The following NBEA variants were observed in gnomAD, a reference collection of about 807,000 sequenced individuals.
NBEA encodes lysosomal-trafficking regulator 2.
Under a neutral mutation model 343.4 loss-of-function variants are expected in NBEA, and 44 were observed. That is an observed-to-expected ratio of 0.13 (90% CI 0.10 to 0.16). NBEA has a LOEUF of 0.16. NBEA is among the 10% of genes least tolerant of loss of function. The probability of loss-of-function intolerance (pLI) is 1.00; values close to 1 mark genes in which losing one functional copy is unlikely to be tolerated. For missense variants in NBEA, 2,555 were observed against 3,631.3 expected, an observed-to-expected ratio of 0.70 and a Z score of 7.62; for synonymous variants, 1,175 against 1,238.7, an observed-to-expected ratio of 0.95 and a Z score of 1.08.
intron 22 of NBEA, 100 bp from the exon 23 acceptor site, chr13:35,161,650 A>G: frequency 1.0e-6 from 1 of 956,984 alleles, no homozygotes; most frequent in Admixed American, 2.5e-5. Context: ...GTCATATGCT[A>G]AAGCATTAAA....
At chr13:34,954,173 T>C (rs1448802409) in intron 1 of NBEA, among the ~76,000 whole-genome samples, 1 of 152,032 alleles carries the variant, frequency 6.6e-6, no homozygotes, top group East Asian at 1.9e-4. Context: ...TACAGGAGGG[T>C]GTGCATAGGT....
chr13:34,943,258 C>A, intron 1 of NBEA, 144 bp downstream of exon 1: 1 of 1,114,434 alleles, frequency 9.0e-7, no homozygotes, highest in Non-Finnish European at 1.3e-6. Flanking sequence ...TATTGCCCAG[C>A]GGGTGACCTG....
chr13:34,974,712 A>G (rs1192376243), intron 1 of NBEA, among the ~76,000 whole-genome samples: 2 of 152,196 alleles, frequency 1.3e-5, no homozygotes, highest in African/African-American at 4.8e-5. Context: ...CAGAAAAACC[A>G]AAGTGGAGTT....
In NBEA at chr13:35,211,843, TAAAC is replaced by T. The variant is rs372060938; in HGVS notation, c.5648+673_5648+676del. Among the ~76,000 whole-genome samples the T allele has an allele frequency of 7.3e-3, 1,099 of 151,536 alleles. 9 individuals are homozygous for T. The highest frequency in any genetic ancestry group is 0.022 in the African/African-American group (905 of 41,328). ...TCAAATAAATAAATAAATAAACAAA[TAAAC>T]AAACAAACTAAGTAACTTTCAAAAT... On this transcript the variant is annotated intron_variant, in intron 33 of 58. Coordinates refer to ENST00000379939, the MANE Select transcript of NBEA (RefSeq NM_001385012.1).
rs9542892 is a variant in NBEA, at chr13:34,992,525, G to T, written c.295-48408G>T. 5.3e-3 allele frequency among the ~76,000 whole-genome samples: 794 copies of T among 150,856 alleles called. 3 individuals carry two copies. Among genetic ancestry groups the T allele is most frequent in the Non-Finnish European group, 8.3e-3 (564 of 67,638 alleles). On this transcript the variant is annotated intron_variant, in intron 1 of 58. Transcript: ENST00000379939. The stretch of plus-strand genomic sequence containing the variant: ...CAAGAAGCAAATAATTTTGGAATCT[G>T]TAGTCCCTTAATGGGGAGAAAAGGA...
intron 47 of NBEA, among the ~76,000 whole-genome samples, chr13:35,597,104 A>T (rs1306782895): frequency 6.6e-6 from 1 of 152,214 alleles, no homozygotes; most frequent in African/African-American, 2.4e-5. Flanking sequence ...GTCTTCTATC[A>T]TTCTAAGACA....
intron 34 of NBEA, among the ~76,000 whole-genome samples, chr13:35,255,615 T>TG (rs2032499538): frequency 6.6e-6 from 1 of 152,186 alleles, no homozygotes; most frequent in Non-Finnish European, 1.5e-5. Context: ...CAGGCACCCA[T>TG]GTCTGGATGA....
intron 17 of NBEA, among the ~76,000 whole-genome samples, chr13:35,137,222 G>A (rs2152690805): frequency 6.6e-6 from 1 of 152,242 alleles, no homozygotes; most frequent in East Asian, 1.9e-4. Flanking sequence ...AGGCTGAGAT[G>A]GGTGGATCCC....
intron 43 of NBEA, among the ~76,000 whole-genome samples, chr13:35,554,643 T>C (rs1941534709): frequency 6.6e-6 from 1 of 152,202 alleles, no homozygotes; most frequent in Non-Finnish European, 1.5e-5. Flanking sequence ...CCTACCTAAT[T>C]AACATGGAGC....
At chr13:35,267,339 G>A (rs896044646) in intron 34 of NBEA, among the ~76,000 whole-genome samples, 6 of 151,878 alleles carry the variant, frequency 4.0e-5, no homozygotes, top group African/African-American at 1.4e-4. Context: ...TCCACAATGT[G>A]TATATACTTC....
At chr13:35,404,272 T>G (rs1206530706) in intron 38 of NBEA, among the ~76,000 whole-genome samples, 5 of 152,096 alleles carry the variant, frequency 3.3e-5, no homozygotes, top group Non-Finnish European at 7.4e-5. Context: ...CAAAGGACTA[T>G]AAATCATGTT....
At chr13:35,208,222 AAAAC>A (rs890070658) in intron 31 of NBEA, among the ~76,000 whole-genome samples, 8 of 152,314 alleles carry the variant, frequency 5.3e-5, no homozygotes, top group African/African-American at 9.6e-5. Flanking sequence ...CTGTCTCAAA[AAAAC>A]AAACAAACAA....
At chr13:35,566,739 T>G (rs984835337) in intron 44 of NBEA, among the ~76,000 whole-genome samples, 166 bp from the exon 45 acceptor site, 22 of 152,156 alleles carry the variant, frequency 1.4e-4, no homozygotes, top group African/African-American at 5.3e-4. Context: ...CTTAAAACAA[T>G]TATTGAGTGA....
chr13:35,436,198 C>T (rs1181168945), intron 39 of NBEA, among the ~76,000 whole-genome samples: 1 of 151,964 alleles, frequency 6.6e-6, no homozygotes, highest in Non-Finnish European at 1.5e-5. Flanking sequence ...TTCCATCTGC[C>T]GTTAAACATT....
chr13:35,241,100 A>C (rs900798040), intron 34 of NBEA, among the ~76,000 whole-genome samples: 1 of 151,874 alleles, frequency 6.6e-6, no homozygotes, highest in Non-Finnish European at 1.5e-5. Context: ...ATTTAAAATA[A>C]TTTTTAAATT....
At chr13:35,404,078 G>A (rs201786939) in intron 38 of NBEA, among the ~76,000 whole-genome samples, 5 of 152,080 alleles carry the variant, frequency 3.3e-5, no homozygotes, top group East Asian at 1.9e-4. Context: ...TTAGAATGGC[G>A]ATCATTAAAT....
chr13:35,341,858 A>G lies in NBEA; in HGVS notation c.5904-7250A>G, dbSNP rs376313564. Among the ~76,000 whole-genome samples the G allele has an allele frequency of 2.0e-5, 3 of 152,088 alleles. No individual in the cohort carries two copies. The East Asian group carries it at 5.8e-4, about 29-fold the overall frequency. On this transcript the variant is annotated intron_variant, in intron 36 of 58. Transcript: ENST00000379939. ...TAAACATAGAGTTACCATATAACCC[A>G]GAATTTCATCTGTAGATACATCCTC...
chr13:35,646,340 A>G lies in NBEA; in HGVS notation c.7762A>G (p.Met2588Val). Residue 2588 changes from methionine to valine, a missense_variant, in exon 51 of 59, where the codon ATG becomes GTG. Met to Val is a conservative substitution (Grantham distance 21, BLOSUM62 1). Transcript: ENST00000379939. ...IEPHPPRSSA[M>V]HLCFLPQSPL... ...GCCACATCCGCCTCGGAGCTCTGCC[A>G]TGCACCTGGTAAGACATATCAGCAT... 6.2e-7 allele frequency: 1 copy of G among 1,612,608 alleles called. No individual in the cohort carries two copies.
intron 17 of NBEA, among the ~76,000 whole-genome samples, chr13:35,141,296 T>C (rs1161191166): frequency 6.6e-6 from 1 of 151,968 alleles, no homozygotes; most frequent in Admixed American, 6.6e-5. Flanking sequence ...TGAGATGGAG[T>C]CTCACTCTTG....
Sources: allele counts gnomAD v4.1 joint callset (sites outside exome capture counted in the v4.1 genomes callset), GRCh38; gene constraint gnomAD v4.1.1; transcripts MANE v1.5; gene names NCBI Gene and HGNC (gene_info 2026-07-23, HGNC 2026-07-21).